Variants in ZNF559 observed in about 807,000 individuals in gnomAD.
The protein encoded by ZNF559 is putative protein product of Nbla00121.
Under a neutral mutation model 14.2 loss-of-function variants are expected in ZNF559, and 17 were observed. That is an observed-to-expected ratio of 1.20 (90% confidence interval 0.82 to 1.80). The LOEUF (loss-of-function observed/expected upper bound fraction) is 1.80. ZNF559 is among the 40% of genes most tolerant of loss of function. The probability of loss-of-function intolerance (pLI) is 0.00; values close to 1 mark genes in which losing one functional copy is unlikely to be tolerated. For missense variants in ZNF559, 740 were observed against 629.7 expected (o/e 1.18, Z -1.88); for synonymous variants, 244 against 212.4 (o/e 1.15, Z -1.29).
At chr19:9,332,755 C>G (rs1416774207) in intron 2 of ZNF559, among the ~76,000 whole-genome samples, 2 of 152,140 alleles carry the variant, frequency 1.3e-5, no homozygotes, top group African/African-American at 4.8e-5. Context: ...GTGGCAGATT[C>G]TTTCTCTCAT....
chr19:9,336,165 A>G (rs2067226722), intron 2 of ZNF559, among the ~76,000 whole-genome samples: 1 of 151,866 alleles, frequency 6.6e-6, no homozygotes. Context: ...ATTTTCTTAT[A>G]TTTTCTTGCC....
At position 9,343,209 on chromosome 19, in the gene ZNF559, C is replaced by T; in HGVS notation, c.*141C>T. 1 of 1,471,380 alleles carries T rather than the reference C, an allele frequency of 6.8e-7. No homozygotes were observed. The highest frequency in any genetic ancestry group is 8.9e-7 in the Non-Finnish European group (1 of 1,119,290). The allele number at this position is 1,471,380 out of a possible 1,614,324, so 91.1% of individuals were successfully genotyped here. On this transcript the variant is annotated 3_prime_UTR_variant, in exon 7 of 7. Coordinates refer to ENST00000603380, the MANE Select transcript of ZNF559 (RefSeq NM_032497.3). The stretch of plus-strand genomic sequence containing the variant: ...CTTGGTGTCTCAGATCTTAACAATT[C>T]CAATAGAAGAGAAGACATATGAATG...
At position 9,343,850 on chromosome 19, in the gene ZNF559, C is replaced by T. The variant is rs1011092515; in HGVS notation, c.*782C>T. The T allele has an allele frequency of 3.0e-5, 29 of 962,674 alleles. No individual in the cohort carries two copies. The African/African-American group carries it at 5.1e-4, about 17-fold the overall frequency. The allele number at this position is 962,674 out of a possible 1,614,324, so 59.6% of individuals were successfully genotyped here. Reference sequence around the variant, plus strand: ...AAAATATCTAGCTGGTCTGAAGATCCTGAGTTATCTCAATTGTTCACGGTT... The same window carrying T: ...AAAATATCTAGCTGGTCTGAAGATCTTGAGTTATCTCAATTGTTCACGGTT... On this transcript the variant is annotated 3_prime_UTR_variant, in exon 7 of 7. Coordinates refer to ENST00000603380, the MANE Select transcript of ZNF559 (RefSeq NM_032497.3).
In ZNF559 at chr19:9,343,858, T is replaced by A; in HGVS notation, c.*790T>A. On this transcript the variant is annotated 3_prime_UTR_variant, in exon 7 of 7. Coordinates refer to ENST00000603380, the MANE Select transcript of ZNF559 (RefSeq NM_032497.3). ...TAGCTGGTCTGAAGATCCTGAGTTA[T>A]CTCAATTGTTCACGGTTACAGATGG... 1 of 951,570 alleles carries A rather than the reference T, an allele frequency of 1.1e-6. No individual in the cohort carries two copies. Among genetic ancestry groups the A allele is most frequent in the Non-Finnish European group, 1.3e-6 (1 of 799,130 alleles). 58.9% of individuals were successfully genotyped at this position (951,570 alleles called of 1,614,324 possible).
Position 9,337,807 on chromosome 19 carries a change from A to G in ZNF559, c.-108A>G, listed in dbSNP as rs908486794. 5.0e-5 allele frequency: 73 copies of G among 1,449,540 alleles called. No homozygotes were observed. The highest frequency in any genetic ancestry group is 6.2e-5 in the Non-Finnish European group (69 of 1,104,296). The allele number at this position is 1,449,540 out of a possible 1,614,324, so 89.8% of individuals were successfully genotyped here. The stretch of plus-strand genomic sequence containing the variant: ...TTCATCTTCTGCAGAGAGATGGCTA[A>G]TGAATGGCGCTTGATGACAGATGAG... On this transcript the variant is annotated 5_prime_UTR_variant, in exon 3 of 7. An upstream start codon of the reference 5' UTR is lost. Transcript: ENST00000603380.
rs778101467 is a variant in ZNF559, at chr19:9,342,610, G to A, written c.1159G>A (p.Gly387Arg). Reference protein sequence around the residue: ...GEKPYQCKECGKAFINSSSFK... With the variant: ...GEKPYQCKECRKAFINSSSFK... ...GAAGCCTTATCAATGTAAGGAATGT[G>A]GAAAAGCCTTTATTAATTCCTCTTC... Residue 387 changes from glycine to arginine, a missense_variant, in exon 7 of 7, where the codon GGA becomes AGA. By Grantham distance (125) the Gly-to-Arg change is moderately radical. Transcript: ENST00000603380. The A allele has an allele frequency of 3.7e-6, 6 of 1,613,962 alleles. No individual in the cohort carries two copies. The African/African-American group carries it at 5.3e-5, about 14-fold the overall frequency.
At position 9,342,797 on chromosome 19, in the gene ZNF559, C is replaced by A. The variant is rs143666366; in HGVS notation, c.1346C>A (p.Ser449Tyr). The change falls in exon 7 of 7, where the codon TCC becomes TAC. Residue 449 changes from serine (S) to tyrosine (Y), a missense_variant. Ser to Tyr is a moderately radical substitution (Grantham distance 144). Coordinates refer to ENST00000603380, the MANE Select transcript of ZNF559 (RefSeq NM_032497.3). Reference sequence around the variant, plus strand: ...GAATGTGGGAAAGCCTTTAGATACTCCTCGCACCTTAGTCAACATAAAAGA... The same window carrying A: ...GAATGTGGGAAAGCCTTTAGATACTACTCGCACCTTAGTCAACATAAAAGA... ...CEECGKAFRYSSHLSQHKRIH... is the reference protein window; with the variant it reads ...CEECGKAFRYYSHLSQHKRIH... 31 of 1,613,990 alleles carry A rather than the reference C, an allele frequency of 1.9e-5. No individual in the cohort carries two copies. Among genetic ancestry groups the A allele is most frequent in the Non-Finnish European group, 2.5e-5 (30 of 1,180,028 alleles).
intron 2 of ZNF559, among the ~76,000 whole-genome samples, chr19:9,328,348 CT>C (rs904074002): frequency 0.013 from 804 of 61,034 alleles, 1 homozygote; most frequent in African/African-American, 0.018. Flanking sequence ...GCTTGTTTGT[CT>C]TTTTTTTTTT....
chr19:9,336,616 TTA>T (rs1404057834), intron 2 of ZNF559, among the ~76,000 whole-genome samples: 2 of 151,840 alleles, frequency 1.3e-5, no homozygotes, highest in African/African-American at 4.8e-5. Context: ...AAAAAAAAAC[TTA>T]TGTGTTTATT....
intron 5 of ZNF559, among the ~76,000 whole-genome samples, chr19:9,340,028 C>A (rs1231099227): frequency 2.7e-5 from 4 of 150,020 alleles, no homozygotes; most frequent in African/African-American, 9.8e-5. Flanking sequence ...CCTTGTGATC[C>A]GCCCACCTCG....
Position 9,342,186 on chromosome 19 carries a change from A to G in ZNF559, c.735A>G (p.Ala245=). Reference sequence around the variant, plus strand: ...GAGAAAAATTCTATGAATGTAAAGCATGTGGGAAACCCTTCACTGAGTCGT... The same window carrying G: ...GAGAAAAATTCTATGAATGTAAAGCGTGTGGGAAACCCTTCACTGAGTCGT... ...QDGEKFYECK[A]CGKPFTESSY... The change falls in exon 7 of 7, where the codon GCA becomes GCG. Residue 245 remains alanine (A), a synonymous_variant. Coordinates refer to ENST00000603380, the MANE Select transcript of ZNF559 (RefSeq NM_032497.3). 6.2e-7 allele frequency: 1 copy of G among 1,607,516 alleles called. No homozygotes were observed. The highest frequency in any genetic ancestry group is 8.5e-7 in the Non-Finnish European group (1 of 1,177,940).
chr19:9,334,367 ATTTCAGAT>A (rs2067108151), intron 2 of ZNF559, among the ~76,000 whole-genome samples: 1 of 152,158 alleles, frequency 6.6e-6, no homozygotes, highest in African/African-American at 2.4e-5. Flanking sequence ...AGCATTTTGG[ATTTCAGAT>A]TTTCAGATTA....
In ZNF559 at chr19:9,341,807, G is replaced by A; in HGVS notation, c.356G>A (p.Cys119Tyr). The A allele has an allele frequency of 6.2e-7, 1 of 1,610,114 alleles. No homozygotes were observed. The highest frequency in any genetic ancestry group is 8.5e-7 in the Non-Finnish European group (1 of 1,179,026). The change falls in exon 7 of 7, where the codon TGT becomes TAT. Residue 119 changes from cysteine to tyrosine, a missense_variant. Coordinates refer to ENST00000603380, the MANE Select transcript of ZNF559 (RefSeq NM_032497.3). ...AGAACTTACTTTAGAAAGAAAACCT[G>A]TGAGTGTAATCAATGTGAAAAAGCC... The part of the protein sequence containing the change: ...HRRTYFRKKT[C>Y]ECNQCEKAFR...
At chr19:9,327,495 C>T (rs1293304868) in intron 2 of ZNF559, among the ~76,000 whole-genome samples, 10 of 152,138 alleles carry the variant, frequency 6.6e-5, no homozygotes, top group South Asian at 2.1e-4. Context: ...GTGATCCTCC[C>T]GCCTCGGCCT....
At position 9,343,179 on chromosome 19, in the gene ZNF559, C is replaced by T. The variant is rs542632344; in HGVS notation, c.*111C>T. On this transcript the variant is annotated 3_prime_UTR_variant, in exon 7 of 7. Transcript: ENST00000603380. ...ACACAGTCATAAGGAATGTGGGAAG[C>T]CTTCCTTGGTGTCTCAGATCTTAAC... The T allele has an allele frequency of 2.4e-5, 36 of 1,498,332 alleles. No individual in the cohort carries two copies. The African/African-American group carries it at 4.6e-4, about 19-fold the overall frequency. 92.8% of individuals were successfully genotyped at this position (1,498,332 alleles called of 1,614,324 possible). A position where few individuals can be genotyped will look rare whatever the true frequency, so the allele number is the denominator to read the frequency against.
chr19:9,324,476 C>T, intron 1 of ZNF559: 3 of 1,410,072 alleles, frequency 2.1e-6, no homozygotes, highest in Non-Finnish European at 2.8e-6. Flanking sequence ...ACGGCCTTTC[C>T]ATTTTCCCTG....
intron 2 of ZNF559, among the ~76,000 whole-genome samples, chr19:9,337,076 T>G (rs899742451): frequency 7.9e-5 from 12 of 152,216 alleles, no homozygotes; most frequent in Admixed American, 6.5e-5. Context: ...TAAAAGTGTG[T>G]AGTATTCCTG....
At chr19:9,327,524 C>G (rs765451299) in intron 2 of ZNF559, among the ~76,000 whole-genome samples, 132 of 152,330 alleles carry the variant, frequency 8.7e-4, no homozygotes, top group Non-Finnish European at 1.6e-3. Flanking sequence ...GCTGGAATTA[C>G]AGGCATGAGC....
intron 2 of ZNF559, among the ~76,000 whole-genome samples, chr19:9,328,862 C>G (rs2066783004): frequency 6.6e-6 from 1 of 152,126 alleles, no homozygotes; most frequent in East Asian, 1.9e-4. Flanking sequence ...ATGGATACTT[C>G]TTCTTGGTGT....
Sources: allele counts gnomAD v4.1 joint callset (sites outside exome capture counted in the v4.1 genomes callset), GRCh38; gene constraint gnomAD v4.1.1; transcripts MANE v1.5; gene names NCBI Gene and HGNC (gene_info 2026-07-23, HGNC 2026-07-21).